Variants in BSN observed in about 807,000 individuals in gnomAD.
The protein encoded by BSN is protein bassoon.
BSN carries 57 observed loss-of-function variants against 264.8 expected under a neutral mutation model. The ratio of observed to expected loss-of-function variants is 0.22; its 90% confidence interval spans 0.17 to 0.27. BSN has a LOEUF of 0.27. BSN is among the 10% of genes least tolerant of loss of function. The pLI, the probability that BSN is intolerant of heterozygous loss-of-function variation, is 1.00. For synonymous variants in BSN, 2,059 were observed against 2,137.3 expected (o/e 0.96, Z 1.01); for missense variants, 4,615 against 5,232.5 (o/e 0.88, Z 3.64).
chr3:49,628,106 G>A (rs1242417390), intron 2 of BSN, among the ~76,000 whole-genome samples: 1 of 152,238 alleles, frequency 6.6e-6, no homozygotes, highest in Admixed American at 6.5e-5. Context: ...GTGACATGGA[G>A]GCTTTCAGGG....
rs1006556113 is a variant in BSN at position 49,655,342 on chromosome 3, C to T, written c.5786C>T (p.Ala1929Val). The change falls in exon 5 of 12, where the codon GCA becomes GTA. Residue 1929 changes from alanine to valine, a missense_variant. Around this residue, in one of 3 missense-constraint regions of BSN, gnomAD observed 3,415 missense variants for 3,866.4 expected, o/e 0.88. Coordinates refer to ENST00000296452, the MANE Select transcript of BSN (RefSeq NM_003458.4). ...PAPSVPEKSM[A>V]DAAPPGQSSS... The stretch of plus-strand genomic sequence containing the variant: ...CCCAGTGTGCCTGAGAAGAGCATGG[C>T]AGATGCTGCCCCACCTGGCCAAAGC... 6.2e-7 allele frequency: 1 copy of T among 1,601,558 alleles called. No homozygotes were observed. The highest frequency in any genetic ancestry group is 1.3e-5 in the African/African-American group (1 of 74,830).
Position 49,651,540 on chromosome 3 carries a change from C to G in BSN, c.1987-3C>G. On this transcript the variant is annotated splice_polypyrimidine_tract_variant and splice_region_variant and intron_variant, in intron 4 of 11. Coordinates refer to ENST00000296452, the MANE Select transcript of BSN (RefSeq NM_003458.4). The surrounding 1 kb of genome is among the most constrained non-coding windows in gnomAD (Gnocchi z 5.4). Reference sequence around the variant, plus strand: ...TCAGTGTCTGCTTTTCACCCTGCTGCAGGACCTGGTGGGCAAGCCTTACTC... The same window carrying G: ...TCAGTGTCTGCTTTTCACCCTGCTGGAGGACCTGGTGGGCAAGCCTTACTC... The G allele has an allele frequency of 6.4e-7, 1 of 1,551,838 alleles. No individual in the cohort carries two copies. The highest frequency in any genetic ancestry group is 8.7e-7 in the Non-Finnish European group (1 of 1,147,020).
At chr3:49,597,721 C>G (rs959791654) in intron 1 of BSN, among the ~76,000 whole-genome samples, 9 of 152,312 alleles carry the variant, frequency 5.9e-5, no homozygotes, top group South Asian at 4.1e-4. Flanking sequence ...CGGCTCGCTG[C>G]AAACTCCGCC....
chr3:49,631,009 C>A (rs575069841), intron 2 of BSN, among the ~76,000 whole-genome samples: 1 of 152,140 alleles, frequency 6.6e-6, no homozygotes, highest in Non-Finnish European at 1.5e-5. Context: ...AGTCAGAGGG[C>A]AGCCCTCTCC....
chr3:49,605,416 T>G (rs1405873165), intron 1 of BSN, among the ~76,000 whole-genome samples: 1 of 34,462 alleles, frequency 2.9e-5, no homozygotes, highest in Non-Finnish European at 4.8e-5. Flanking sequence ...AATTTATATT[T>G]TATATTTATA....
At chr3:49,576,110 G>A (rs1374871465) in intron 1 of BSN, among the ~76,000 whole-genome samples, 1 of 152,138 alleles carries the variant, frequency 6.6e-6, no homozygotes, top group African/African-American at 2.4e-5. Flanking sequence ...TAGAGTAACC[G>A]CTGGTGCCTT....
Position 49,651,444 on chromosome 3 carries a change from C to T in BSN, c.1987-99C>T. The T allele has an allele frequency of 3.0e-6, 4 of 1,334,108 alleles. No homozygotes were observed. The South Asian group carries it at 4.3e-5, about 14-fold the overall frequency. The allele number at this position is 1,334,108 out of a possible 1,614,324, so 82.6% of individuals were successfully genotyped here. ...GGGCCCTAAACCCTTGGGAAATGGA[C>T]AGACTCTTCCCCAGGGTCCTGGGAT... On this transcript the variant is annotated intron_variant, in intron 4 of 11. Transcript: ENST00000296452. The surrounding 1 kb of genome is among the most constrained non-coding windows in gnomAD (Gnocchi z 5.4).
At chr3:49,582,530 C>CT (rs1169116037) in intron 1 of BSN, among the ~76,000 whole-genome samples, 11 of 152,288 alleles carry the variant, frequency 7.2e-5, no homozygotes, top group Admixed American at 6.5e-5. Context: ...TTAGTTCTAA[C>CT]TTTTTTGTGG....
intron 1 of BSN, among the ~76,000 whole-genome samples, chr3:49,619,877 C>T (rs1030222222): frequency 6.6e-6 from 1 of 152,148 alleles, no homozygotes; most frequent in Non-Finnish European, 1.5e-5. Flanking sequence ...CTTACAGTCA[C>T]CCCATTCAGG....
At chr3:49,586,668 C>G (rs1338369424) in intron 1 of BSN, among the ~76,000 whole-genome samples, 1 of 152,226 alleles carries the variant, frequency 6.6e-6, no homozygotes, top group Admixed American at 6.5e-5. Flanking sequence ...AAGATACTGT[C>G]TTTTCTCCAG....
At chr3:49,622,024 T>C (rs1290705492) in intron 1 of BSN, among the ~76,000 whole-genome samples, 1 of 152,158 alleles carries the variant, frequency 6.6e-6, no homozygotes, top group African/African-American at 2.4e-5. Flanking sequence ...CTTGTTTGTA[T>C]GATAATTGAA....
chr3:49,593,429 G>T (rs952862390), intron 1 of BSN, among the ~76,000 whole-genome samples: 9 of 152,128 alleles, frequency 5.9e-5, no homozygotes, highest in Non-Finnish European at 1.0e-4. Context: ...AAATAAAATC[G>T]CTGGGTCATT....
rs763723720 is a variant in BSN at position 49,664,438 on chromosome 3, C to T, written c.11624C>T (p.Ala3875Val). 3.1e-6 allele frequency: 5 copies of T among 1,613,658 alleles called. No individual in the cohort carries two copies. The highest frequency in any genetic ancestry group is 1.7e-5 in the Admixed American group (1 of 60,006). ...GPGPAGVKAG[A>V]RPGGTPGAPA... is the part of the protein sequence containing the mutation. ...TTCCTCCTAGGTGTGAAGGCTGGAG[C>T]CAGGCCTGGAGGAACCCCAGGGGCT... The change falls in exon 9 of 12, where the codon GCC becomes GTC. Residue 3875 changes from alanine to valine, a missense_variant. Physicochemically the swap from Ala to Val is moderately conservative, Grantham distance 64. Around this residue, in one of 3 missense-constraint regions of BSN, gnomAD observed 3,415 missense variants for 3,866.4 expected, o/e 0.88. Transcript: ENST00000296452.
chr3:49,650,952 C>T lies in BSN; in HGVS notation c.1859C>T (p.Pro620Leu), dbSNP rs185089105. ...GTCCCCACTAAAGCTGAGCCCATGC[C>T]GAAGCCACCTCCAGAGACTACCCCA... ...TRVPTKAEPM[P>L]KPPPETTPTP... Residue 620 changes from proline to leucine, a missense_variant, in exon 4 of 12, where the codon CCG becomes CTG. Physicochemically the swap from Pro to Leu is moderately conservative, Grantham distance 98. Coordinates refer to ENST00000296452, the MANE Select transcript of BSN (RefSeq NM_003458.4). 1.1e-4 allele frequency: 184 copies of T among 1,614,180 alleles called. 1 individual carries two copies. In the Middle Eastern group the frequency reaches 7.9e-3, roughly 69 times the overall value.
intron 1 of BSN, among the ~76,000 whole-genome samples, chr3:49,568,932 G>A (rs141729872): frequency 6.6e-6 from 1 of 152,306 alleles, no homozygotes; most frequent in African/African-American, 2.4e-5. Flanking sequence ...TCATGGTGGG[G>A]TGCGGGGTTT....
At chr3:49,634,376 T>C (rs1266920530) in intron 2 of BSN, among the ~76,000 whole-genome samples, 1 of 152,214 alleles carries the variant, frequency 6.6e-6, no homozygotes, top group African/African-American at 2.4e-5. Context: ...AGGTAGTAAA[T>C]TTATGTGTAT....
intron 2 of BSN, among the ~76,000 whole-genome samples, chr3:49,627,445 G>C (rs2052349643): frequency 6.6e-6 from 1 of 152,202 alleles, no homozygotes; most frequent in Admixed American, 6.5e-5. Context: ...ACATCTTCCT[G>C]AGGGGTGATA....
chr3:49,626,667 G>A (rs2052343099), intron 2 of BSN, among the ~76,000 whole-genome samples: 1 of 152,238 alleles, frequency 6.6e-6, no homozygotes, highest in Non-Finnish European at 1.5e-5. Context: ...GTGTGTTTCT[G>A]CCAGTGAGAA....
chr3:49,616,098 G>A (rs897775947), intron 1 of BSN, among the ~76,000 whole-genome samples: 4 of 152,244 alleles, frequency 2.6e-5, no homozygotes, highest in Non-Finnish European at 5.9e-5. Flanking sequence ...TGGAGATGCT[G>A]AAACATGTTG....
Sources: allele counts gnomAD v4.1 joint callset (sites outside exome capture counted in the v4.1 genomes callset), GRCh38; gene constraint gnomAD v4.1.1; regional missense constraint gnomAD v4.1.1; non-coding constraint Gnocchi (gnomAD v3.1); transcripts MANE v1.5; gene names NCBI Gene and HGNC (gene_info 2026-07-23, HGNC 2026-07-21).